GAPVD1: variants seen among roughly 807,000 people sequenced by gnomAD.
GAPVD1 encodes the protein GTPase activating protein and VPS9 domains 1.
A neutral mutation model predicts 155.5 loss-of-function variants in GAPVD1; 35 were observed. The observed-to-expected ratio is 0.23, with a 90% confidence interval of 0.17 to 0.30. The LOEUF is 0.30. Among genes scored for constraint, GAPVD1 ranks in the 10% least tolerant of loss-of-function variants. The pLI is 1.00. For missense variants in GAPVD1, 1,429 were observed against 1,775.7 expected (o/e 0.80, Z 3.51); for synonymous variants, 636 against 619.7 (o/e 1.03, Z -0.39).
chr9:125,290,093 G>C (rs543364035), intron 2 of GAPVD1, among the ~76,000 whole-genome samples: 26 of 152,250 alleles, frequency 1.7e-4, no homozygotes, highest in Middle Eastern at 3.4e-3. Flanking sequence ...GTTTATTGTT[G>C]AACACTAGTA....
At chr9:125,313,952 C>T (rs1843017988) in intron 9 of GAPVD1, among the ~76,000 whole-genome samples, 1 of 152,200 alleles carries the variant, frequency 6.6e-6, no homozygotes, top group Non-Finnish European at 1.5e-5. Flanking sequence ...CACCATGACA[C>T]ACCATCACAT....
At chr9:125,316,766 A>G (rs1166668020) in intron 9 of GAPVD1, among the ~76,000 whole-genome samples, 2 of 152,156 alleles carry the variant, frequency 1.3e-5, no homozygotes, top group Admixed American at 1.3e-4. Flanking sequence ...CAGTAATGGG[A>G]TTGCTGGGTC....
At chr9:125,286,584 G>C (rs1837744013) in intron 2 of GAPVD1, among the ~76,000 whole-genome samples, 1 of 151,752 alleles carries the variant, frequency 6.6e-6, no homozygotes, top group Admixed American at 6.6e-5. Context: ...AAAATTCTTT[G>C]ATTTTACTTA....
chr9:125,314,745 T>C (rs1047036794), intron 9 of GAPVD1, among the ~76,000 whole-genome samples: 35 of 150,674 alleles, frequency 2.3e-4, no homozygotes, highest in African/African-American at 3.9e-4. Flanking sequence ...GAGTCTCTTC[T>C]CATAGAATTG....
In GAPVD1 at chr9:125,298,960, C is replaced by T; in HGVS notation, c.39C>T (p.Leu13=). 1 of 1,612,112 alleles carries T rather than the reference C, an allele frequency of 6.2e-7. No homozygotes were observed. The highest frequency in any genetic ancestry group is 1.3e-5 in the African/African-American group (1 of 75,002). Reference sequence around the variant, plus strand: ...ATATTCATACTCTGGCTCATCACCTCAAGCAGGAACGCTTATATGTAAACT... The same window carrying T: ...ATATTCATACTCTGGCTCATCACCTTAAGCAGGAACGCTTATATGTAAACT... ...KLDIHTLAHH[L]KQERLYVNSE... Residue 13 remains leucine, a synonymous_variant, in exon 4 of 28, where the codon CTC becomes CTT. Coordinates refer to ENST00000297933, the MANE Select transcript of GAPVD1 (RefSeq NM_001282680.3).
intron 17 of GAPVD1, among the ~76,000 whole-genome samples, chr9:125,338,064 C>T (rs1256283180): frequency 4.6e-5 from 7 of 152,140 alleles, no homozygotes; most frequent in African/African-American, 9.7e-5. Flanking sequence ...TTATTAGAGA[C>T]GGGGTTTCAC....
At chr9:125,350,455 A>T (rs553692374) in intron 22 of GAPVD1, 51 bp downstream of exon 22, 1 of 1,155,692 alleles carries the variant, frequency 8.7e-7, no homozygotes, top group Middle Eastern at 1.9e-4. Context: ...GGGTTGCACC[A>T]TATGAAATTG....
At chr9:125,312,265 TAGTC>T (rs1842771685) in intron 8 of GAPVD1, among the ~76,000 whole-genome samples, 183 bp from the exon 9 acceptor site, 1 of 152,196 alleles carries the variant, frequency 6.6e-6, no homozygotes, top group Admixed American at 6.5e-5. Context: ...GAATCTTTAT[TAGTC>T]AGTAGAGTAA....
At chr9:125,302,946 A>G (rs1841134831) in intron 5 of GAPVD1, 120 bp downstream of exon 5, 3 of 1,202,226 alleles carry the variant, frequency 2.5e-6, no homozygotes. Context: ...CTTTTTCTCA[A>G]CCAGTCCTAA....
At chr9:125,326,149 A>G (rs1845146245) in intron 11 of GAPVD1, among the ~76,000 whole-genome samples, 1 of 152,234 alleles carries the variant, frequency 6.6e-6, no homozygotes, top group African/African-American at 2.4e-5. Context: ...AAGTTGAACA[A>G]ATGTCACCTC....
intron 26 of GAPVD1, among the ~76,000 whole-genome samples, chr9:125,360,316 G>T (rs556906961): frequency 6.6e-6 from 1 of 152,214 alleles, no homozygotes; most frequent in South Asian, 2.1e-4. Context: ...TGGATATCTG[G>T]TTTGCTGTAT....
intron 8 of GAPVD1, chr9:125,308,152 ATTTTGGAAATG>A: frequency 1.9e-6 from 1 of 539,828 alleles, no homozygotes; most frequent in Non-Finnish European, 3.3e-6. Flanking sequence ...TCTTGAAAAA[ATTTTGGAAATG>A]TTATAAGTAG....
At chr9:125,332,177 A>T in intron 14 of GAPVD1, 117 bp downstream of exon 14, 1 of 1,019,058 alleles carries the variant, frequency 9.8e-7, no homozygotes, top group Non-Finnish European at 1.4e-6. Flanking sequence ...TAATTTCCAG[A>T]AAACAAACTT....
At chr9:125,347,037 A>C in intron 20 of GAPVD1, 96 bp downstream of exon 20, 1 of 1,237,464 alleles carries the variant, frequency 8.1e-7, no homozygotes, top group Non-Finnish European at 1.1e-6. Flanking sequence ...AGAATAGCTA[A>C]GGGAGTCAGT....
chr9:125,291,990 C>G (rs1302719423), intron 2 of GAPVD1, among the ~76,000 whole-genome samples: 2 of 152,008 alleles, frequency 1.3e-5, no homozygotes, highest in Non-Finnish European at 1.5e-5. Flanking sequence ...ACCTGTTATC[C>G]CAGCACTTTA....
chr9:125,325,585 A>G (rs796145179), intron 11 of GAPVD1, among the ~76,000 whole-genome samples: 86 of 152,176 alleles, frequency 5.7e-4, no homozygotes, highest in African/African-American at 2.0e-3. Flanking sequence ...TAGCATGCAT[A>G]AGAATTACCT....
At chr9:125,326,821 C>T (rs546981765) in intron 12 of GAPVD1, among the ~76,000 whole-genome samples, 2 of 149,742 alleles carry the variant, frequency 1.3e-5, no homozygotes, top group East Asian at 3.9e-4. Flanking sequence ...CTCCTCCCAG[C>T]TGCCCAAAAA....
At chr9:125,278,279 G>C (rs1277637427) in intron 2 of GAPVD1, among the ~76,000 whole-genome samples, 1 of 152,200 alleles carries the variant, frequency 6.6e-6, no homozygotes, top group African/African-American at 2.4e-5. Flanking sequence ...CCAGCACTTT[G>C]GGAGGCCTAG....
Position 125,364,539 on chromosome 9 carries a change from A to C in GAPVD1, c.*1793A>C, listed in dbSNP as rs1434680162. 1.3e-5 allele frequency: 2 copies of C among 152,228 alleles called. No homozygotes were observed. The highest frequency in any genetic ancestry group is 2.9e-5 in the Non-Finnish European group (2 of 68,042). The allele number at this position is 152,228 out of a possible 1,614,324, so 9.4% of individuals were successfully genotyped here. ...ATTACAAGCGTGAACCACCCTGCCC[A>C]GCCAGAAACTAGATTTTCTTTATGC... On this transcript the variant is annotated 3_prime_UTR_variant, in exon 28 of 28. Coordinates refer to ENST00000297933, the MANE Select transcript of GAPVD1 (RefSeq NM_001282680.3).
Sources: allele counts gnomAD v4.1 joint callset (sites outside exome capture counted in the v4.1 genomes callset), GRCh38; gene constraint gnomAD v4.1.1; transcripts MANE v1.5; gene names NCBI Gene and HGNC (gene_info 2026-07-23, HGNC 2026-07-21).